The following GLB1 variants were observed in gnomAD, a reference collection of about 807,000 sequenced individuals.
GLB1 encodes the protein galactosidase beta 1.
GLB1 carries 56 observed loss-of-function variants against 74.0 expected under a neutral mutation model. The ratio of observed to expected loss-of-function variants is 0.76; its 90% CI spans 0.61 to 0.94. The LOEUF (loss-of-function observed/expected upper bound fraction) is 0.94, where lower values mean the gene tolerates loss of function less well. Among genes scored for constraint, GLB1 ranks in the 40% least tolerant of loss-of-function variants. GLB1 has a pLI of 0.00. For missense variants in GLB1, 787 were observed against 845.5 expected (o/e 0.93, Z 0.86); for synonymous variants, 323 against 323.6 (o/e 1.00, Z 0.02).
chr3:33,035,438 A>G (rs185127054), intron 10 of GLB1, among the ~76,000 whole-genome samples: 31 of 152,234 alleles, frequency 2.0e-4, no homozygotes, highest in African/African-American at 7.2e-4. Flanking sequence ...TCTCAAAAAA[A>G]AAAGGTGATA....
chr3:33,065,362 C>T (rs1699627419), intron 5 of GLB1, 101 bp downstream of exon 5: 1 of 1,458,734 alleles, frequency 6.9e-7, no homozygotes, highest in Non-Finnish European at 9.4e-7. Flanking sequence ...CTTAAAGAAA[C>T]AGACCTATGA....
At chr3:32,985,280 A>T in the GLB1 span, among the ~76,000 whole-genome samples, 1 of 151,778 alleles carries the variant, frequency 6.6e-6, no homozygotes, top group Non-Finnish European at 1.5e-5. Context: ...AATTGTTGTA[A>T]CTTTATATTT....
the GLB1 span, among the ~76,000 whole-genome samples, chr3:32,972,446 G>T: frequency 6.6e-6 from 1 of 152,146 alleles, no homozygotes; most frequent in Non-Finnish European, 1.5e-5. Context: ...TGGTCCAGGT[G>T]GTCCCCAGAC....
intron 1 of GLB1, chr3:33,077,494 A>G: frequency 1.4e-6 from 1 of 726,922 alleles, no homozygotes; most frequent in Admixed American, 2.6e-5. Flanking sequence ...TCTACTAAAA[A>G]GGGAACCTCC....
At chr3:33,020,183 G>C (rs766315332) in intron 12 of GLB1, among the ~76,000 whole-genome samples, 32 of 152,316 alleles carry the variant, frequency 2.1e-4, no homozygotes, top group Non-Finnish European at 4.3e-4. Flanking sequence ...CAGTGAATGT[G>C]TGTGTGGTGG....
chr3:32,971,440 C>T, the GLB1 span, among the ~76,000 whole-genome samples: 1 of 152,212 alleles, frequency 6.6e-6, no homozygotes, highest in African/African-American at 2.4e-5. Context: ...ATTTGCTCAG[C>T]TAGCTGAAAA....
At chr3:33,022,881 C>T (rs1192643732) in intron 11 of GLB1, among the ~76,000 whole-genome samples, 1 of 152,048 alleles carries the variant, frequency 6.6e-6, no homozygotes, top group Admixed American at 6.6e-5. Flanking sequence ...TTCATAAACA[C>T]TTCCCATGGT....
chr3:33,059,446 TTCAGC>T (rs1699357927), intron 5 of GLB1, among the ~76,000 whole-genome samples: 1 of 152,176 alleles, frequency 6.6e-6, no homozygotes, highest in African/African-American at 2.4e-5. Flanking sequence ...ACAAATGAAC[TTCAGC>T]TCTACCCAAT....
At position 32,996,659 on chromosome 3, in the gene GLB1, CTCAAG is replaced by C; in HGVS notation, c.*381_*385del. ...TTAGTGAAGTGGTTTATTCAGCCCA[CTCAAG>C]TCTAGTTATGATTTAAGTCAGACCA... On this transcript the variant is annotated 3_prime_UTR_variant, in exon 16 of 16. Transcript: ENST00000307363. 1 of 290,820 alleles carries C rather than the reference CTCAAG, an allele frequency of 3.4e-6. No individual in the cohort carries two copies. The highest frequency in any genetic ancestry group is 8.9e-5 in the East Asian group (1 of 11,294). 18.0% of individuals were successfully genotyped at this position (290,820 alleles called of 1,614,324 possible).
chr3:33,031,634 AAAAAAAATATAT>A (rs1698023721), intron 10 of GLB1, among the ~76,000 whole-genome samples: 1 of 64,188 alleles, frequency 1.6e-5, no homozygotes, highest in Non-Finnish European at 3.0e-5. Flanking sequence ...AAAAAAAAAA[AAAAAAAATATAT>A]ATATATATAT....
At chr3:33,087,576 C>CGT (rs1700560655) in intron 1 of GLB1, among the ~76,000 whole-genome samples, 21 of 36,436 alleles carry the variant, frequency 5.8e-4, no homozygotes, top group South Asian at 5.7e-3. Context: ...TCTCAGCATG[C>CGT]GCGCACACAC....
At chr3:33,054,460 G>A (rs748465399) in intron 6 of GLB1, among the ~76,000 whole-genome samples, 4 of 152,140 alleles carry the variant, frequency 2.6e-5, no homozygotes, top group Non-Finnish European at 5.9e-5. Context: ...TGTTTCCCCA[G>A]GGCCTGGACA....
the GLB1 span, among the ~76,000 whole-genome samples, chr3:32,987,114 C>T: frequency 7.8e-4 from 119 of 152,304 alleles, 2 homozygotes; most frequent in East Asian, 0.02. Flanking sequence ...TACTACCTCC[C>T]CACAGTACAA....
In GLB1 at chr3:32,997,333, C is replaced by A; in HGVS notation, c.1746G>T (p.Trp582Cys). 6.2e-7 allele frequency: 1 copy of A among 1,613,030 alleles called. No individual in the cohort carries two copies. Among genetic ancestry groups the A allele is most frequent in the South Asian group, 1.1e-5 (1 of 91,024 alleles). ...QFPGWTKGQVWINGFNLGRYW... is the reference protein window; with the variant it reads ...QFPGWTKGQVCINGFNLGRYW... ...AGCGGCCAAGGTTAAAGCCATTAAT[C>A]CAGACCTGGCCCTGGAGAGAGAGAG... Residue 582 changes from tryptophan to cysteine, a missense_variant, in exon 16 of 16, where the codon TGG (tryptophan) becomes TGT (cysteine). Trp to Cys is a radical substitution (Grantham distance 215). Transcript: ENST00000307363.
chr3:33,074,400 G>GAA (rs1352085633), intron 1 of GLB1, among the ~76,000 whole-genome samples: 30 of 141,914 alleles, frequency 2.1e-4, no homozygotes, highest in East Asian at 4.1e-4. Flanking sequence ...AAGAAAGAAA[G>GAA]AAAGAAAGAA....
chr3:32,986,013 ACTCT>A, the GLB1 span, among the ~76,000 whole-genome samples: 3 of 151,644 alleles, frequency 2.0e-5, no homozygotes, highest in Non-Finnish European at 2.9e-5. Context: ...CACCTGGACA[ACTCT>A]CTATTTTTAA....
At position 33,022,564 on chromosome 3, in the gene GLB1, ATT is replaced by A. The variant is rs61013692; in HGVS notation, c.1144-911_1144-910del. On this transcript the variant is annotated intron_variant, in intron 11 of 15. Coordinates refer to ENST00000307363, the MANE Select transcript of GLB1 (RefSeq NM_000404.4). ...TTCCATGACTATAATACTGGTTAGGATTTTTTTTTTTTTTTTTTTGAGAGAGT... is the reference window on the plus strand; with the variant it reads ...TTCCATGACTATAATACTGGTTAGGATTTTTTTTTTTTTTTTTGAGAGAGT... Among the ~76,000 whole-genome samples, 323 of 63,760 alleles carry A rather than the reference ATT, an allele frequency of 5.1e-3. 12 individuals are homozygous for A. The highest frequency in any genetic ancestry group is 0.015 in the African/African-American group (293 of 19,676). The allele number at this position is 63,760 out of a possible 152,430, so 41.8% of individuals were successfully genotyped here.
At chr3:33,091,490 T>TGG (rs1700760193) in intron 1 of GLB1, 1 of 985,514 alleles carries the variant, frequency 1.0e-6, no homozygotes, top group African/African-American at 1.7e-5. Flanking sequence ...ATGAATCCTC[T>TGG]GGGCACCTGT....
At chr3:33,077,335 G>T in intron 1 of GLB1, 1 of 1,539,692 alleles carries the variant, frequency 6.5e-7, no homozygotes, top group Non-Finnish European at 8.9e-7. Flanking sequence ...GTAAACTAAT[G>T]AAAGCCTGTT....
Sources: allele counts gnomAD v4.1 joint callset (sites outside exome capture counted in the v4.1 genomes callset), GRCh38; gene constraint gnomAD v4.1.1; transcripts MANE v1.5; gene names NCBI Gene and HGNC (gene_info 2026-07-23, HGNC 2026-07-21).